Variants in CDH11 observed in about 807,000 individuals in gnomAD.
CDH11 encodes cadherin-11.
In CDH11, 11 loss-of-function variants were observed where a neutral mutation model predicts 67.8. That is an observed-to-expected ratio of 0.16 (90% CI 0.10 to 0.27). The LOEUF is 0.27. Among genes scored for constraint, CDH11 ranks in the 10% least tolerant of loss-of-function variants. The pLI, the probability that CDH11 is intolerant of heterozygous loss-of-function variation, is 1.00. For synonymous variants in CDH11, 419 were observed against 400.0 expected, an observed-to-expected ratio of 1.05 and a Z score of -0.57; for missense variants, 847 against 1,031.2, an observed-to-expected ratio of 0.82 and a Z score of 2.45.
intron 3 of CDH11, among the ~76,000 whole-genome samples, chr16:65,001,208 G>C (rs951047119): frequency 5.3e-5 from 8 of 152,130 alleles, no homozygotes; most frequent in Non-Finnish European, 1.0e-4. Context: ...TTTGTTTCTA[G>C]GGGGAAAAAA....
chr16:65,073,893 G>A (rs952500835), intron 1 of CDH11, among the ~76,000 whole-genome samples: 1 of 152,180 alleles, frequency 6.6e-6, no homozygotes, highest in Admixed American at 6.5e-5. Flanking sequence ...GCAAGGCCTT[G>A]CAGAAAGTAG....
Position 64,946,712 on chromosome 16 carries a change from AT to A in CDH11, c.*890del. ...AGGGTTATTAAAAGATCACAATTAA[AT>A]TAGAAATATAAATGGATCATTAGAA... On this transcript the variant is annotated 3_prime_UTR_variant, in exon 13 of 13. Coordinates refer to ENST00000268603, the MANE Select transcript of CDH11 (RefSeq NM_001797.4). 1 of 925,452 alleles carries A rather than the reference AT, an allele frequency of 1.1e-6. No homozygotes were observed. Among genetic ancestry groups the A allele is most frequent in the South Asian group, 5.1e-5 (1 of 19,508 alleles). The allele number at this position is 925,452 out of a possible 1,614,324, so 57.3% of individuals were successfully genotyped here.
At chr16:65,034,153 C>T (rs2073704558) in intron 2 of CDH11, among the ~76,000 whole-genome samples, 1 of 152,096 alleles carries the variant, frequency 6.6e-6, no homozygotes, top group Admixed American at 6.5e-5. Context: ...TTCTACGTGG[C>T]TGATATCTAC....
intron 2 of CDH11, among the ~76,000 whole-genome samples, chr16:65,018,651 G>A (rs1450249028): frequency 6.6e-6 from 1 of 152,140 alleles, no homozygotes; most frequent in Non-Finnish European, 1.5e-5. Context: ...AATGTTTTAA[G>A]CAAAAAGTCA....
intron 2 of CDH11, among the ~76,000 whole-genome samples, chr16:65,052,308 A>G (rs987169848): frequency 4.6e-5 from 7 of 152,190 alleles, no homozygotes; most frequent in Non-Finnish European, 7.4e-5. Flanking sequence ...CTAAAAAGGC[A>G]ATTACAGTCC....
rs1168920310 is a variant in CDH11 at position 64,944,238 on chromosome 16, AG to A, written c.*3364del. 1.3e-5 allele frequency: 3 copies of A among 233,222 alleles called. No individual in the cohort carries two copies. In the East Asian group the frequency reaches 1.8e-4, roughly 14 times the overall value. The allele number at this position is 233,222 out of a possible 1,614,324, so 14.4% of individuals were successfully genotyped here. A position where few individuals can be genotyped will look rare whatever the true frequency, so the allele number is the denominator to read the frequency against. ...TCCCTCTGGCTTCTTTGTGAAGAGG[AG>A]GTTGGGAGGCAGAGGGTGAGCCAAG... On this transcript the variant is annotated 3_prime_UTR_variant, in exon 13 of 13. Transcript: ENST00000268603.
Position 64,947,082 on chromosome 16 carries a change from C to T in CDH11, c.*521G>A. On this transcript the variant is annotated 3_prime_UTR_variant, in exon 13 of 13. Coordinates refer to ENST00000268603, the MANE Select transcript of CDH11 (RefSeq NM_001797.4). ...AGAATCAGCAGTAACAAGATTGATG[C>T]TCAAGAGACATAATTGTACATTGTA... The T allele has an allele frequency of 1.9e-6, 2 of 1,033,516 alleles. No individual in the cohort carries two copies. The highest frequency in any genetic ancestry group is 6.1e-5 in the East Asian group (1 of 16,434). The allele number at this position is 1,033,516 out of a possible 1,614,324, so 64.0% of individuals were successfully genotyped here. A position where few individuals can be genotyped will look rare whatever the true frequency, so the allele number is the denominator to read the frequency against.
rs760935919 is a variant in CDH11 at position 64,982,088 on chromosome 16, C to T, written c.1213G>A (p.Val405Met). The change falls in exon 8 of 13, where the codon GTG becomes ATG. Residue 405 changes from valine to methionine, a missense_variant. By Grantham distance (21) the Val-to-Met change is conservative. Transcript: ENST00000268603. ...NAAAGTVVGR[V>M]HAKDPDAANS... ...GCAGCATCAGGGTCTTTGGCATGCA[C>T]TCTCCCAACCACGGTGCCAGCAGCT... is the stretch of plus-strand genomic sequence containing the variant. The T allele has an allele frequency of 1.2e-6, 2 of 1,613,836 alleles. No individual in the cohort carries two copies. The highest frequency in any genetic ancestry group is 2.7e-5 in the African/African-American group (2 of 74,894).
In CDH11 at chr16:64,947,368, T is replaced by A; in HGVS notation, c.*235A>T. ...AAATATTTTGTATGCCAAGTGTTTTTTTTTTCTAGCGAAGTTGATAAACAA... is the reference window on the plus strand; with the variant it reads ...AAATATTTTGTATGCCAAGTGTTTTATTTTTCTAGCGAAGTTGATAAACAA... On this transcript the variant is annotated 3_prime_UTR_variant, in exon 13 of 13. Transcript: ENST00000268603. 1 of 1,278,008 alleles carries A rather than the reference T, an allele frequency of 7.8e-7. No homozygotes were observed. Among genetic ancestry groups the A allele is most frequent in the Non-Finnish European group, 9.9e-7 (1 of 1,011,922 alleles). 79.2% of individuals were successfully genotyped at this position (1,278,008 alleles called of 1,614,324 possible).
At chr16:65,106,034 C>A (rs2075060981) in intron 1 of CDH11, among the ~76,000 whole-genome samples, 1 of 152,162 alleles carries the variant, frequency 6.6e-6, no homozygotes, top group Non-Finnish European at 1.5e-5. Flanking sequence ...TTTCCATGAG[C>A]CTACTATCAA....
At chr16:65,060,356 G>T (rs57335111) in intron 1 of CDH11, among the ~76,000 whole-genome samples, 11,470 of 126,762 alleles carry the variant, frequency 0.09, 496 homozygotes, top group South Asian at 0.14. Flanking sequence ...TATATATATA[G>T]AGAGAGAGAG....
chr16:65,069,498 A>G (rs1308615725), intron 1 of CDH11, among the ~76,000 whole-genome samples: 1 of 152,148 alleles, frequency 6.6e-6, no homozygotes, highest in Non-Finnish European at 1.5e-5. Flanking sequence ...CTTTTGCAAC[A>G]TAGACACCTG....
chr16:64,963,687 T>A (rs257339), intron 11 of CDH11, among the ~76,000 whole-genome samples: 136,349 of 152,010 alleles, frequency 0.9, 61,217 homozygotes, highest in East Asian at 1. Flanking sequence ...AAAGATTTTT[T>A]AAAAATGCTG....
At position 65,111,503 on chromosome 16, in the gene CDH11, TAAAC is replaced by T. The variant is rs146382337; in HGVS notation, c.-298+10373_-298+10376del. On this transcript the variant is annotated intron_variant, in intron 1 of 12. Coordinates refer to ENST00000268603, the MANE Select transcript of CDH11 (RefSeq NM_001797.4). ...ACGGCAGCACATAAGGAAAAAGAAATAAACAAATAAACTGTGGAGCGTAAGTCCT... is the reference window on the plus strand; with the variant it reads ...ACGGCAGCACATAAGGAAAAAGAAATAAATAAACTGTGGAGCGTAAGTCCT... Among the ~76,000 whole-genome samples, 701 of 151,996 alleles carry T rather than the reference TAAAC, an allele frequency of 4.6e-3. 9 individuals carry two copies. The highest frequency in any genetic ancestry group is 0.016 in the African/African-American group (656 of 41,448).
At chr16:65,006,832 A>C (rs967922531) in intron 2 of CDH11, 1 of 152,226 alleles carries the variant, frequency 6.6e-6, no homozygotes, top group African/African-American at 2.4e-5. Context: ...TGCTGTTCTC[A>C]TGATAGTAAA....
intron 11 of CDH11, among the ~76,000 whole-genome samples, chr16:64,969,104 T>G (rs2071928144): frequency 6.6e-6 from 1 of 152,182 alleles, no homozygotes; most frequent in African/African-American, 2.4e-5. Context: ...AATTGTTCAG[T>G]AAATTGGCTC....
intron 2 of CDH11, among the ~76,000 whole-genome samples, chr16:65,019,505 CA>C (rs1176941546): frequency 9.2e-5 from 14 of 152,028 alleles, no homozygotes; most frequent in Non-Finnish European, 1.5e-4. Flanking sequence ...GACAGAAAGC[CA>C]AATTTCACTT....
At chr16:64,950,635 C>CCTCTT in intron 12 of CDH11, 132 bp downstream of exon 12, 1 of 1,097,946 alleles carries the variant, frequency 9.1e-7, no homozygotes, top group Non-Finnish European at 1.3e-6. Context: ...CCGTACCCCA[C>CCTCTT]TTCTTTTCTT....
At chr16:65,093,620 C>A (rs369635413) in intron 1 of CDH11, among the ~76,000 whole-genome samples, 1 of 152,058 alleles carries the variant, frequency 6.6e-6, no homozygotes, top group African/African-American at 2.4e-5. Context: ...TATACACACG[C>A]GTACACAGCA....
Sources: gnomAD v4.1 joint callset for allele counts (sites outside exome capture counted in the v4.1 genomes callset) on GRCh38, gnomAD v4.1.1 for gene constraint, MANE v1.5 for transcripts, NCBI Gene and HGNC (gene_info 2026-07-23, HGNC 2026-07-21) for gene names.